The following TCF7L2 variants were observed in gnomAD, a reference collection of about 807,000 sequenced individuals.
TCF7L2 encodes transcription factor 7 like 2.
TCF7L2 carries 23 observed loss-of-function variants against 77.9 expected under a neutral mutation model. The ratio of observed to expected loss-of-function variants is 0.30; its 90% CI spans 0.21 to 0.42. TCF7L2 has a LOEUF of 0.42. TCF7L2 is among the 10% of genes least tolerant of loss of function. The pLI, the probability that TCF7L2 is intolerant of heterozygous loss-of-function variation, is 1.00. For synonymous variants in TCF7L2, 413 were observed against 340.2 expected, an observed-to-expected ratio of 1.21 and a Z score of -2.36; for missense variants, 654 against 793.1, an observed-to-expected ratio of 0.82 and a Z score of 2.11.
intron 5 of TCF7L2, chr10:113,132,888 T>G (rs150200032): frequency 6.6e-6 from 1 of 152,202 alleles, no homozygotes; most frequent in African/African-American, 2.4e-5. Context: ...GGCCCCGTTG[T>G]GCCTGTCGCA....
At chr10:113,110,650 A>G (rs1394970827) in intron 5 of TCF7L2, among the ~76,000 whole-genome samples, 2 of 152,164 alleles carry the variant, frequency 1.3e-5, no homozygotes, top group Admixed American at 6.5e-5. Context: ...TACCTAATTT[A>G]TAGTTGGAAA....
intron 5 of TCF7L2, among the ~76,000 whole-genome samples, chr10:113,105,099 A>C (rs550427552): frequency 6.6e-6 from 1 of 152,348 alleles, no homozygotes; most frequent in South Asian, 2.1e-4. Context: ...GAAAGCCTGC[A>C]CAATAGGTCT....
chr10:113,060,523 G>C (rs1193885354), intron 5 of TCF7L2, among the ~76,000 whole-genome samples: 1 of 152,110 alleles, frequency 6.6e-6, no homozygotes, highest in African/African-American at 2.4e-5. Flanking sequence ...CTGATAAGTA[G>C]CTTTCTTCTC....
At chr10:112,989,861 A>G (rs1357735777) in intron 4 of TCF7L2, among the ~76,000 whole-genome samples, 1 of 152,076 alleles carries the variant, frequency 6.6e-6, no homozygotes, top group African/African-American at 2.4e-5. Context: ...GATTTTGCAG[A>G]TTGGGCTTCC....
chr10:113,141,223 C>T lies in TCF7L2; in HGVS notation c.592C>T (p.His198Tyr), dbSNP rs1351985366. The change falls in exon 6 of 14, where the codon CAC becomes TAC. Residue 198 changes from histidine (H) to tyrosine (Y), a missense_variant. Coordinates refer to ENST00000627217, the MANE Select transcript of TCF7L2 (RefSeq NM_001146274.2). ...AGTGGTGCAGCACCCTCACCATGTC[C>T]ACCCCCTCACGCCTCTTATCACGTA... 1 of 1,614,070 alleles carries T rather than the reference C, an allele frequency of 6.2e-7. No individual in the cohort carries two copies. The highest frequency in any genetic ancestry group is 8.5e-7 in the Non-Finnish European group (1 of 1,180,048).
At chr10:113,148,031 A>T (rs1475798275) in intron 8 of TCF7L2, among the ~76,000 whole-genome samples, 4 of 152,242 alleles carry the variant, frequency 2.6e-5, no homozygotes, top group Non-Finnish European at 1.5e-5. Flanking sequence ...TAGGTCTATT[A>T]TACTTATGGC....
At chr10:113,065,575 T>C (rs1006824153) in intron 5 of TCF7L2, among the ~76,000 whole-genome samples, 1 of 152,212 alleles carries the variant, frequency 6.6e-6, no homozygotes, top group Non-Finnish European at 1.5e-5. Flanking sequence ...TTTCTTTATC[T>C]GTTAAGAATC....
chr10:113,047,447 C>T (rs922434084), intron 5 of TCF7L2, among the ~76,000 whole-genome samples: 4 of 152,132 alleles, frequency 2.6e-5, no homozygotes, highest in Admixed American at 2.6e-4. Flanking sequence ...CCCAGGTCCT[C>T]CACCTTCAAA....
intron 4 of TCF7L2, among the ~76,000 whole-genome samples, chr10:113,017,265 A>G (rs2047497269): frequency 6.6e-6 from 1 of 152,214 alleles, no homozygotes; most frequent in Admixed American, 6.5e-5. Context: ...GCAGAGCCTG[A>G]GACTTTTCTC....
chr10:113,125,957 G>C (rs2065519233), intron 5 of TCF7L2: 2 of 152,198 alleles, frequency 1.3e-5, no homozygotes, highest in African/African-American at 4.8e-5. Flanking sequence ...GCACATTCTT[G>C]ATTTTGTTTA....
At chr10:113,036,899 A>G (rs1025748285) in intron 4 of TCF7L2, among the ~76,000 whole-genome samples, 4 of 152,058 alleles carry the variant, frequency 2.6e-5, no homozygotes, top group African/African-American at 7.2e-5. Context: ...CCCTCCCCCA[A>G]AAGGATATAA....
intron 4 of TCF7L2, among the ~76,000 whole-genome samples, chr10:113,005,588 C>T (rs549105417): frequency 3.3e-5 from 5 of 152,222 alleles, no homozygotes; most frequent in East Asian, 3.9e-4. Flanking sequence ...CCGAAGGATG[C>T]GGTTGTGGTT....
Position 113,071,045 on chromosome 10 carries a change from C to G in TCF7L2, c.552+30919C>G, listed in dbSNP as rs188603277. On this transcript the variant is annotated intron_variant, in intron 5 of 13. Transcript: ENST00000627217. The stretch of plus-strand genomic sequence containing the variant: ...ATAGATGAAATCATAGGCCCGTGGT[C>G]TTTTGTAACTGACTTCTTTCACTTA... Among the ~76,000 whole-genome samples, 258 of 152,276 alleles carry G rather than the reference C, an allele frequency of 1.7e-3. 1 individual carries two copies. The highest frequency in any genetic ancestry group is 6.0e-3 in the African/African-American group (249 of 41,552).
At chr10:113,082,483 A>G (rs1462104816) in intron 5 of TCF7L2, among the ~76,000 whole-genome samples, 1 of 152,210 alleles carries the variant, frequency 6.6e-6, no homozygotes, top group Non-Finnish European at 1.5e-5. Context: ...TGTTTTAACC[A>G]GCAAACACCT....
chr10:113,073,777 C>T (rs2058376954), intron 5 of TCF7L2, among the ~76,000 whole-genome samples: 1 of 152,158 alleles, frequency 6.6e-6, no homozygotes, highest in Non-Finnish European at 1.5e-5. Flanking sequence ...ATTTGCTTCC[C>T]AACCTGCGGG....
chr10:112,978,035 G>A (rs540792531), intron 4 of TCF7L2, among the ~76,000 whole-genome samples: 2 of 152,304 alleles, frequency 1.3e-5, no homozygotes, highest in East Asian at 3.9e-4. Flanking sequence ...GCTCTGCTAA[G>A]CCTTGTAACA....
intron 4 of TCF7L2, among the ~76,000 whole-genome samples, chr10:112,984,985 T>G (rs1457924240): frequency 2.0e-5 from 3 of 152,242 alleles, no homozygotes; most frequent in African/African-American, 2.4e-5. Context: ...AGTGTCCGTT[T>G]ATTGCCTGTG....
At chr10:113,040,204 C>A in intron 5 of TCF7L2, 78 bp downstream of exon 5, 2 of 1,237,152 alleles carry the variant, frequency 1.6e-6, no homozygotes, top group East Asian at 2.4e-5. Context: ...GATAACAGGC[C>A]TTATTTGTCA....
chr10:113,024,616 CT>C (rs377705347), intron 4 of TCF7L2, among the ~76,000 whole-genome samples: 1,698 of 124,790 alleles, frequency 0.014, 10 homozygotes, highest in African/African-American at 0.039. Context: ...TATATAAACC[CT>C]TTTTTTTTTT....
Sources: gnomAD v4.1 joint callset for allele counts (sites outside exome capture counted in the v4.1 genomes callset) on GRCh38, gnomAD v4.1.1 for gene constraint, MANE v1.5 for transcripts, NCBI Gene and HGNC (gene_info 2026-07-23, HGNC 2026-07-21) for gene names.